Variants in RYR2 observed in about 807,000 individuals in gnomAD.
RYR2 encodes the protein cardiac muscle ryanodine receptor-calcium release channel.
A neutral mutation model predicts 601.1 loss-of-function variants in RYR2; 227 were observed. The observed-to-expected ratio is 0.38, with a 90% confidence interval of 0.34 to 0.42. RYR2 has a LOEUF of 0.42. RYR2 is among the 10% of genes least tolerant of loss of function. RYR2 has a pLI of 1.00. For synonymous variants in RYR2, 2,223 were observed against 2,175.1 expected (o/e 1.02, Z -0.61); for missense variants, 4,646 against 6,156.5 (o/e 0.75, Z 8.21).
intron 12 of RYR2, among the ~76,000 whole-genome samples, chr1:237,432,029 G>A (rs946324040): frequency 6.6e-6 from 1 of 151,882 alleles, no homozygotes; most frequent in African/African-American, 2.4e-5. Flanking sequence ...CATTTTAGAA[G>A]CAAATTATAA....
chr1:237,306,441 C>T (rs190596263), intron 2 of RYR2, among the ~76,000 whole-genome samples: 15 of 152,144 alleles, frequency 9.9e-5, no homozygotes, highest in African/African-American at 3.4e-4. Context: ...ATCATTTAAT[C>T]TATTTATGAT....
intron 1 of RYR2, among the ~76,000 whole-genome samples, chr1:237,054,676 G>T (rs1661753230): frequency 6.6e-6 from 1 of 152,104 alleles, no homozygotes; most frequent in Non-Finnish European, 1.5e-5. Context: ...TACCACACTG[G>T]TTCTTTAGTG....
At chr1:237,631,569 T>A in intron 42 of RYR2, 28 bp downstream of exon 42, 1 of 1,317,896 alleles carries the variant, frequency 7.6e-7, no homozygotes, top group Non-Finnish European at 1.1e-6. Flanking sequence ...TGAGATGCTA[T>A]TTAGTATCAT....
rs1302407180 is a variant in RYR2 at position 237,591,929 on chromosome 1, AT to A, written c.4275+78del. 2.3e-5 allele frequency: 22 copies of A among 953,680 alleles called. No individual in the cohort carries two copies. In the African/African-American group the frequency reaches 3.5e-4, roughly 15 times the overall value. 59.1% of individuals were successfully genotyped at this position (953,680 alleles called of 1,614,324 possible). A position where few individuals can be genotyped will look rare whatever the true frequency, so the allele number is the denominator to read the frequency against. On this transcript the variant is annotated intron_variant, in intron 32 of 104. Transcript: ENST00000366574. ...TTTACATCTCCAGTAATACATACCG[AT>A]TCATCATACTTAGTAACATTATTTT...
At chr1:237,434,093 ATT>A (rs1707113197) in intron 12 of RYR2, among the ~76,000 whole-genome samples, 1 of 152,194 alleles carries the variant, frequency 6.6e-6, no homozygotes, top group East Asian at 1.9e-4. Context: ...GAACCCTTGC[ATT>A]TACCTGAGCA....
chr1:237,608,809 T>TG (rs1486915666), intron 35 of RYR2, among the ~76,000 whole-genome samples: 34 of 151,024 alleles, frequency 2.3e-4, no homozygotes, highest in Admixed American at 1.3e-3. Context: ...TTTTTTTTTT[T>TG]TTTTTTTTTT....
At chr1:237,058,735 C>T in intron 1 of RYR2, among the ~76,000 whole-genome samples, 1 of 151,136 alleles carries the variant, frequency 6.6e-6, no homozygotes, top group East Asian at 2.0e-4. Context: ...TTCCTTCCTC[C>T]CCGGAGACTT....
intron 1 of RYR2, among the ~76,000 whole-genome samples, chr1:237,163,791 T>G (rs1335812875): frequency 6.6e-6 from 1 of 152,234 alleles, no homozygotes; most frequent in South Asian, 2.1e-4. Context: ...AGACTTCAGA[T>G]GTCAAACCTT....
intron 1 of RYR2, among the ~76,000 whole-genome samples, chr1:237,112,821 T>C (rs115206845): frequency 3.3e-5 from 5 of 152,312 alleles, no homozygotes; most frequent in African/African-American, 4.8e-5. Flanking sequence ...CTGGCTCCTA[T>C]TTGGTTTATG....
At chr1:237,448,731 A>G (rs1657696109) in intron 14 of RYR2, among the ~76,000 whole-genome samples, 1 of 151,990 alleles carries the variant, frequency 6.6e-6, no homozygotes, top group South Asian at 2.1e-4. Flanking sequence ...TTATGAAATT[A>G]CCTTCCTTAA....
chr1:237,253,404 T>C (rs1687664974), intron 1 of RYR2, among the ~76,000 whole-genome samples: 1 of 152,206 alleles, frequency 6.6e-6, no homozygotes, highest in African/African-American at 2.4e-5. Flanking sequence ...ATTTCTGCAA[T>C]GCAGATACTT....
At chr1:237,184,882 T>C (rs1266657360) in intron 1 of RYR2, among the ~76,000 whole-genome samples, 1 of 151,888 alleles carries the variant, frequency 6.6e-6, no homozygotes, top group Non-Finnish European at 1.5e-5. Context: ...AGAGGGTTTT[T>C]TTTTTTTGGA....
intron 2 of RYR2, among the ~76,000 whole-genome samples, chr1:237,304,157 G>A (rs1410248518): frequency 1.3e-5 from 2 of 152,126 alleles, no homozygotes; most frequent in Non-Finnish European, 2.9e-5. Flanking sequence ...ACATGGATGA[G>A]TCAGACTTTA....
intron 4 of RYR2, among the ~76,000 whole-genome samples, chr1:237,356,839 C>T (rs1699338945): frequency 6.6e-6 from 1 of 152,184 alleles, no homozygotes; most frequent in African/African-American, 2.4e-5. Context: ...GAGTGCAAAA[C>T]AGTGAGGCTT....
At chr1:237,115,559 A>T (rs1174281488) in intron 1 of RYR2, among the ~76,000 whole-genome samples, 1 of 152,178 alleles carries the variant, frequency 6.6e-6, no homozygotes. Flanking sequence ...GAGGAAGAAC[A>T]TGTTCTCCTT....
At chr1:237,479,759 G>A (rs573287594) in intron 17 of RYR2, among the ~76,000 whole-genome samples, 11 of 152,268 alleles carry the variant, frequency 7.2e-5, no homozygotes, top group Middle Eastern at 3.4e-3. Context: ...ATTGTGCAAC[G>A]AAGGAAATCT....
intron 1 of RYR2, among the ~76,000 whole-genome samples, chr1:237,257,931 A>G (rs1253678534): frequency 1.3e-5 from 2 of 152,150 alleles, no homozygotes; most frequent in African/African-American, 4.8e-5. Context: ...TGGGAGGCCA[A>G]GGCGGGCAGA....
At position 237,497,162 on chromosome 1, in the gene RYR2, G is replaced by A. The variant is rs777994998; in HGVS notation, c.2203+410G>A. On this transcript the variant is annotated intron_variant, in intron 20 of 104. Transcript: ENST00000366574. ...ATAAAAGAACAAAAAACAAATCTTG[G>A]AAAATAATGGGAAGAAATAGACTAA... 6.7e-4 allele frequency among the ~76,000 whole-genome samples: 102 copies of A among 152,102 alleles called. 1 individual carries two copies. The highest frequency in any genetic ancestry group is 1.8e-4 in the Non-Finnish European group (12 of 68,006).
chr1:237,467,150 A>G (rs1660170572), intron 16 of RYR2, among the ~76,000 whole-genome samples: 1 of 148,300 alleles, frequency 6.7e-6, no homozygotes, highest in African/African-American at 2.4e-5. Flanking sequence ...ATATGTTTTC[A>G]TTTTAGATGG....
Sources: gnomAD v4.1 joint callset for allele counts (sites outside exome capture counted in the v4.1 genomes callset) on GRCh38, gnomAD v4.1.1 for gene constraint, MANE v1.5 for transcripts, NCBI Gene and HGNC (gene_info 2026-07-23, HGNC 2026-07-21) for gene names.